Variants in SCAF11 observed in about 807,000 individuals in gnomAD.
SCAF11 encodes the protein protein SCAF11.
Under a neutral mutation model 140.5 loss-of-function variants are expected in SCAF11, and 47 were observed. The observed-to-expected ratio is 0.33, with a 90% CI of 0.26 to 0.43. The LOEUF is 0.43. Ranked by LOEUF, SCAF11 falls within the 20% of genes least tolerant of loss-of-function variation. The pLI is 1.00. For synonymous variants in SCAF11, 557 were observed against 579.4 expected (o/e 0.96, Z 0.55); for missense variants, 1,645 against 1,705.1 (o/e 0.96, Z 0.62).
In SCAF11 at chr12:45,919,765, T is replaced by C. The variant is rs1005746846; in HGVS notation, c.*2283A>G. The C allele has an allele frequency of 2.6e-5, 4 of 152,278 alleles. No individual in the cohort carries two copies. In the South Asian group the frequency reaches 8.3e-4, roughly 32 times the overall value. The allele number at this position is 152,278 out of a possible 1,614,324, so 9.4% of individuals were successfully genotyped here. On this transcript the variant is annotated 3_prime_UTR_variant, in exon 15 of 15. Transcript: ENST00000369367. ...CACACACTTGTTACTGTCACGGAAA[T>C]AATTCATGGGAGTGCTACTAAAGAT...
chr12:45,963,422 G>A (rs554446864), intron 2 of SCAF11, among the ~76,000 whole-genome samples: 1 of 150,690 alleles, frequency 6.6e-6, no homozygotes, highest in South Asian at 2.1e-4. Flanking sequence ...GACAGCAAGG[G>A]AAAAAAAATG....
chr12:45,934,413 T>C, intron 7 of SCAF11, 34 bp downstream of exon 7: 1 of 1,526,138 alleles, frequency 6.6e-7, no homozygotes, highest in Non-Finnish European at 8.9e-7. Context: ...AGTGTTATCA[T>C]CTAAGAAAAA....
chr12:45,963,105 A>G (rs546445553), intron 2 of SCAF11, among the ~76,000 whole-genome samples: 49 of 152,344 alleles, frequency 3.2e-4, no homozygotes, highest in African/African-American at 1.1e-3. Context: ...AAAAGGAAAT[A>G]TAAGACATAG....
At chr12:45,939,816 T>C (rs560846582) in intron 6 of SCAF11, among the ~76,000 whole-genome samples, 44 of 152,348 alleles carry the variant, frequency 2.9e-4, no homozygotes, top group African/African-American at 9.9e-4. Flanking sequence ...CAACAGTTTC[T>C]CAAGTAGTTC....
intron 1 of SCAF11, among the ~76,000 whole-genome samples, chr12:45,988,416 G>A (rs1352931931): frequency 6.6e-6 from 1 of 152,170 alleles, no homozygotes; most frequent in East Asian, 1.9e-4. Flanking sequence ...TGAATCAACA[G>A]TATCATGTAA....
At chr12:45,938,980 G>A (rs528653880) in intron 6 of SCAF11, among the ~76,000 whole-genome samples, 2 of 147,918 alleles carry the variant, frequency 1.4e-5, no homozygotes, top group Admixed American at 1.4e-4. Flanking sequence ...AAACAAAAAT[G>A]TATAATTCAG....
At chr12:45,990,581 C>T (rs1946576950), upstream of SCAF11, 4 of 1,230,190 alleles carry the variant, frequency 3.3e-6, no homozygotes, top group Non-Finnish European at 4.1e-6. Flanking sequence ...ACTCCCCCTT[C>T]CCCCGCCTTG....
chr12:45,928,383 C>T lies in SCAF11; in HGVS notation c.1318G>A (p.Glu440Lys). ...TTCAAGCAATTAGCAGACTGGTTTTCTACATGAGTCTGCACAGTACAAATG... is the reference window on the plus strand; with the variant it reads ...TTCAAGCAATTAGCAGACTGGTTTTTTACATGAGTCTGCACAGTACAAATG... ...SNICTVQTHV[E>K]NQSANCLKSC... is the part of the protein sequence containing the mutation. Residue 440 changes from glutamate (E) to lysine (K), a missense_variant, in exon 11 of 15, where the codon GAA becomes AAA. Physicochemically the swap from Glu to Lys is moderately conservative, Grantham distance 56. Transcript: ENST00000369367. 6.2e-7 allele frequency: 1 copy of T among 1,614,138 alleles called. No homozygotes were observed. Among genetic ancestry groups the T allele is most frequent in the East Asian group, 2.2e-5 (1 of 44,886 alleles).
intron 10 of SCAF11, among the ~76,000 whole-genome samples, chr12:45,930,598 A>G (rs536124123): frequency 6.6e-6 from 1 of 152,016 alleles, no homozygotes; most frequent in East Asian, 1.9e-4. Context: ...GGCGGCCACA[A>G]AAATTGTTAC....
chr12:45,927,804 G>C lies in SCAF11; in HGVS notation c.1897C>G (p.Gln633Glu). 6.2e-7 allele frequency: 1 copy of C among 1,613,684 alleles called. No homozygotes were observed. Among genetic ancestry groups the C allele is most frequent in the Non-Finnish European group, 8.5e-7 (1 of 1,179,898 alleles). ...TCAGTTTCAACATGCCCAAGCAATT[G>C]AACCTCTGGGCTCTTAACAGATTGT... ...DRQSVKSPEV[Q>E]LLGHVETEDV... The change falls in exon 11 of 15, where the codon CAA becomes GAA. Residue 633 changes from glutamine to glutamate, a missense_variant. By Grantham distance (29) the Gln-to-Glu change is conservative. Transcript: ENST00000369367.
rs866762145 is a variant in SCAF11 at position 45,972,963 on chromosome 12, T to C, written c.-21-8775A>G. ...AGATATATATATAGATATATAGATA[T>C]ATATATAGATATATAGATATATAGA... is the stretch of plus-strand genomic sequence containing the variant. On this transcript the variant is annotated intron_variant, in intron 1 of 14. Coordinates refer to ENST00000369367, the MANE Select transcript of SCAF11 (RefSeq NM_004719.3). Among the ~76,000 whole-genome samples the C allele has an allele frequency of 4.6e-5, 6 of 129,424 alleles. No homozygotes were observed. In the Admixed American group the frequency reaches 4.8e-4, roughly 10 times the overall value. 84.9% of individuals were successfully genotyped at this position (129,424 alleles called of 152,430 possible). A position where few individuals can be genotyped will look rare whatever the true frequency, so the allele number is the denominator to read the frequency against.
At chr12:45,970,876 T>C (rs1386339221) in intron 1 of SCAF11, among the ~76,000 whole-genome samples, 2 of 152,228 alleles carry the variant, frequency 1.3e-5, no homozygotes, top group Non-Finnish European at 2.9e-5. Context: ...TCTCTAAAAT[T>C]CTCGTGCAGT....
chr12:45,991,880 C>T (rs1565701196), upstream of SCAF11: 2 of 1,284,044 alleles, frequency 1.6e-6, no homozygotes, highest in South Asian at 1.3e-5. Flanking sequence ...CCGCGCGCGG[C>T]TCACCCAGGT....
Position 45,926,374 on chromosome 12 carries a change from A to C in SCAF11, c.3327T>G (p.Ser1109Arg). The change falls in exon 11 of 15, where the codon AGT (serine) becomes AGG (arginine). Residue 1109 changes from serine to arginine, a missense_variant. Ser to Arg is a moderately radical substitution (Grantham distance 110). This residue lies in a region of SCAF11 where 1,582 missense variants were observed against 1,609.2 expected (regional missense o/e 0.98). Coordinates refer to ENST00000369367, the MANE Select transcript of SCAF11 (RefSeq NM_004719.3). ...CAAACTTGAAAGATTCACTCCCTGAACTGTTTGAATTCCCTGAGAGGGGTT... is the reference window on the plus strand; with the variant it reads ...CAAACTTGAAAGATTCACTCCCTGACCTGTTTGAATTCCCTGAGAGGGGTT... The part of the protein sequence containing the change: ...NRKPLSGNSN[S>R]SGSESFKFVE... 2 of 1,614,136 alleles carry C rather than the reference A, an allele frequency of 1.2e-6. No homozygotes were observed. Among genetic ancestry groups the C allele is most frequent in the Non-Finnish European group, 1.7e-6 (2 of 1,180,016 alleles).
At chr12:45,956,736 CT>C (rs2136596278) in intron 3 of SCAF11, among the ~76,000 whole-genome samples, 2 of 152,332 alleles carry the variant, frequency 1.3e-5, no homozygotes, top group East Asian at 3.9e-4. Context: ...ATAGGCAACA[CT>C]TTATCTAGTG....
At chr12:45,979,313 G>C (rs568587578) in intron 1 of SCAF11, among the ~76,000 whole-genome samples, 19 of 151,714 alleles carry the variant, frequency 1.3e-4, no homozygotes, top group African/African-American at 4.6e-4. Context: ...TGAAACCACA[G>C]AAAAATCCTA....
At chr12:45,933,420 T>A (rs1241377610) in intron 8 of SCAF11, among the ~76,000 whole-genome samples, 188 bp from the exon 9 acceptor site, 1 of 152,186 alleles carries the variant, frequency 6.6e-6, no homozygotes, top group African/African-American at 2.4e-5. Context: ...ACAATTTTTA[T>A]ATTGCAAATC....
intron 1 of SCAF11, among the ~76,000 whole-genome samples, chr12:45,972,945 T>TATATAGATATATAG (rs1946132442): frequency 5.0e-5 from 5 of 99,210 alleles, no homozygotes; most frequent in African/African-American, 2.5e-4. Flanking sequence ...TATAGATATA[T>TATATAGATATATAG]ATATAGATAT....
chr12:45,929,088 A>G (rs972557566), intron 10 of SCAF11: 1 of 301,356 alleles, frequency 3.3e-6, no homozygotes. Context: ...CAAATGGGCA[A>G]TTTTATAGAG....
Sources: allele counts gnomAD v4.1 joint callset (sites outside exome capture counted in the v4.1 genomes callset), GRCh38; gene constraint gnomAD v4.1.1; regional missense constraint gnomAD v4.1.1; transcripts MANE v1.5; gene names NCBI Gene and HGNC (gene_info 2026-07-23, HGNC 2026-07-21).